The following PUDP variants were observed in gnomAD, a reference collection of about 807,000 sequenced individuals.
The protein encoded by PUDP is pseudouridine-5'-phosphatase.
PUDP carries 8 observed loss-of-function variants against 9.4 expected under a neutral mutation model. The ratio of observed to expected loss-of-function variants is 0.85; its 90% CI spans 0.50 to 1.53. The LOEUF (loss-of-function observed/expected upper bound fraction) is 1.53. Ranked by LOEUF, PUDP falls within the 40% of genes most tolerant of loss-of-function variation. The pLI, the probability that PUDP is intolerant of heterozygous loss-of-function variation, is 0.00. For synonymous variants in PUDP, 99 were observed against 80.7 expected, an observed-to-expected ratio of 1.23 and a Z score of -1.22; for missense variants, 188 against 189.7, an observed-to-expected ratio of 0.99 and a Z score of 0.05.
intron 1 of PUDP, among the ~76,000 whole-genome samples, chrX:7,042,037 G>A (rs1929929627): frequency 9.3e-6 from 1 of 107,904 alleles, no homozygotes; most frequent in Non-Finnish European, 1.9e-5. Flanking sequence ...ACAACATTTG[G>A]TGGTTGACGT....
chrX:6,804,020 T>A (rs185254342), intron 3 of PUDP, among the ~76,000 whole-genome samples: 1 of 111,864 alleles, frequency 8.9e-6, no homozygotes, highest in Admixed American at 9.5e-5. Flanking sequence ...TGATTTTTCA[T>A]TTGATGTTAT....
intron 3 of PUDP, among the ~76,000 whole-genome samples, chrX:6,833,427 G>A (rs1017105570): frequency 1.8e-5 from 2 of 111,351 alleles, no homozygotes; most frequent in Non-Finnish European, 3.8e-5. Flanking sequence ...ATAGATGGAC[G>A]AATGAATGGA....
intron 3 of PUDP, among the ~76,000 whole-genome samples, chrX:6,971,269 T>G (rs1034447309): frequency 9.0e-6 from 1 of 111,111 alleles, no homozygotes. Flanking sequence ...CCATGCTGTT[T>G]TGGTTACTGT....
Position 6,975,087 on chromosome X carries a change from T to G in PUDP, c.*247+2046A>C, listed in dbSNP as rs772609961. 1.2e-4 allele frequency among the ~76,000 whole-genome samples: 13 copies of G among 110,210 alleles called. No individual in the cohort carries two copies. The East Asian group carries it at 3.8e-3, about 32-fold the overall frequency. ...AGGTCATTTATGTTCTTCTCTAAAC[T>G]GATTATTCTAGTTAGCAATTCCTTT... On this transcript the variant is annotated intron_variant and NMD_transcript_variant, in intron 3 of 3. Coordinates refer to the PUDP transcript ENST00000655425.
intron 3 of PUDP, among the ~76,000 whole-genome samples, chrX:7,053,285 C>T (rs892502746): frequency 2.7e-5 from 3 of 111,329 alleles, no homozygotes; most frequent in Non-Finnish European, 5.6e-5. Context: ...GACGGGAAAT[C>T]AGTAGCTGAC....
intron 3 of PUDP, among the ~76,000 whole-genome samples, chrX:6,867,838 C>A (rs1927113123): frequency 9.0e-6 from 1 of 111,474 alleles, no homozygotes; most frequent in Non-Finnish European, 1.9e-5. Flanking sequence ...GAAATTCCAA[C>A]AGCATGACAC....
chrX:7,080,277 C>T (rs1931042930), intron 2 of PUDP, among the ~76,000 whole-genome samples: 1 of 112,223 alleles, frequency 8.9e-6, no homozygotes. Context: ...CAAGAAGACA[C>T]AAATAACCTG....
chrX:6,988,183 A>G (rs1929128344), intron 1 of PUDP, among the ~76,000 whole-genome samples: 1 of 111,939 alleles, frequency 8.9e-6, no homozygotes, highest in East Asian at 2.8e-4. Flanking sequence ...TTCAAAGACA[A>G]AACTGTGAAC....
At chrX:6,933,321 G>A (rs1049819484) in intron 3 of PUDP, among the ~76,000 whole-genome samples, 5 of 111,111 alleles carry the variant, frequency 4.5e-5, no homozygotes, top group Admixed American at 1.9e-4. Flanking sequence ...CAGCATTCGC[G>A]GCTCACGAAA....
chrX:7,025,760 G>C (rs781254588), intron 1 of PUDP, among the ~76,000 whole-genome samples: 1 of 112,362 alleles, frequency 8.9e-6, no homozygotes, highest in African/African-American at 3.2e-5. Flanking sequence ...CCAGTACAAA[G>C]CACTTAAGTC....
chrX:6,763,213 A>G (rs745663709), intron 3 of PUDP, among the ~76,000 whole-genome samples: 2 of 111,433 alleles, frequency 1.8e-5, no homozygotes, highest in Non-Finnish European at 3.8e-5. Context: ...ACATGGCGAA[A>G]CTCCGTCTCC....
intron 1 of PUDP, among the ~76,000 whole-genome samples, chrX:7,006,159 T>C (rs1224310826): frequency 8.9e-6 from 1 of 112,124 alleles, no homozygotes; most frequent in Admixed American, 9.4e-5. Context: ...CAATATCTGT[T>C]TGGGTCTCTG....
At chrX:6,810,275 CCAAGACA>C (rs1266261940) in intron 3 of PUDP, among the ~76,000 whole-genome samples, 1 of 111,229 alleles carries the variant, frequency 9.0e-6, no homozygotes, top group Non-Finnish European at 1.9e-5. Flanking sequence ...GGATAACATG[CCAAGACA>C]AATTGCAGAC....
intron 3 of PUDP, among the ~76,000 whole-genome samples, chrX:6,971,715 C>A (rs192489790): frequency 1.4e-4 from 16 of 111,202 alleles, no homozygotes; most frequent in African/African-American, 4.6e-4. Context: ...TGAGCCACTG[C>A]GCCTGGCCTA....
chrX:6,712,948 G>A (rs1924550944), intron 1 of PUDP, among the ~76,000 whole-genome samples: 2 of 111,864 alleles, frequency 1.8e-5, no homozygotes, highest in African/African-American at 6.5e-5. Context: ...TCGGGAGGCT[G>A]AGGCAGGAGA....
At chrX:6,880,724 G>C (rs1373146389) in intron 3 of PUDP, among the ~76,000 whole-genome samples, 1 of 111,632 alleles carries the variant, frequency 9.0e-6, no homozygotes, top group African/African-American at 3.2e-5. Flanking sequence ...TCCAAATAAT[G>C]AGCCTTACAG....
At chrX:6,810,618 A>C (rs894293280) in intron 3 of PUDP, among the ~76,000 whole-genome samples, 2 of 111,959 alleles carry the variant, frequency 1.8e-5, no homozygotes, top group Non-Finnish European at 3.8e-5. Flanking sequence ...AATGCTCCAT[A>C]GAGGGCAACA....
At chrX:6,921,544 G>A (rs1021037564) in intron 3 of PUDP, among the ~76,000 whole-genome samples, 3 of 110,854 alleles carry the variant, frequency 2.7e-5, no homozygotes, top group African/African-American at 9.9e-5. Flanking sequence ...GTTAATGACT[G>A]ATGATGTCTC....
chrX:7,092,664 T>C (rs191411492), intron 2 of PUDP, among the ~76,000 whole-genome samples: 3 of 111,911 alleles, frequency 2.7e-5, no homozygotes, highest in African/African-American at 9.8e-5. Flanking sequence ...TCCCACCGTA[T>C]AGAAGTGGTG....
Sources: gnomAD v4.1 joint callset for allele counts (sites outside exome capture counted in the v4.1 genomes callset) on GRCh38, gnomAD v4.1.1 for gene constraint, MANE v1.5 for transcripts, NCBI Gene and HGNC (gene_info 2026-07-23, HGNC 2026-07-21) for gene names.